CCDC69: variants seen among roughly 807,000 people sequenced by gnomAD.
CCDC69 encodes coiled-coil domain containing 69, also known as coiled-coil domain-containing protein 69.
CCDC69 carries 38 observed loss-of-function variants against 40.3 expected under a neutral mutation model. The ratio of observed to expected loss-of-function variants is 0.94; its 90% CI spans 0.73 to 1.24. The LOEUF (loss-of-function observed/expected upper bound fraction) is 1.24, where lower values mean the gene tolerates loss of function less well. CCDC69 is among the 50% of genes most tolerant of loss of function. CCDC69 has a pLI of 0.00. For missense variants in CCDC69, 389 were observed against 357.9 expected (o/e 1.09, Z -0.70); for synonymous variants, 141 against 138.9 (o/e 1.02, Z -0.11).
intron 1 of CCDC69, among the ~76,000 whole-genome samples, chr5:151,217,084 TAG>T (rs756078128): frequency 7.2e-5 from 11 of 152,152 alleles, no homozygotes; most frequent in Non-Finnish European, 1.5e-4. Context: ...TCCCAACACA[TAG>T]AAATGATAAA....
At position 151,183,466 on chromosome 5, in the gene CCDC69, G is replaced by A; in HGVS notation, c.862C>T (p.Pro288Ser). The A allele has an allele frequency of 6.2e-7, 1 of 1,605,466 alleles. No homozygotes were observed. Among genetic ancestry groups the A allele is most frequent in the Non-Finnish European group, 8.5e-7 (1 of 1,177,034 alleles). Residue 288 changes from proline (P) to serine (S), a missense_variant, in exon 9 of 9, where the codon CCC becomes TCC. Coordinates refer to ENST00000355417, the MANE Select transcript of CCDC69 (RefSeq NM_015621.3). ...SPAFPLAPVT[P>S]TEVSFLAT Reference sequence around the variant, plus strand: ...GTGGCGAGGAAAGAGACCTCAGTGGGAGTGACAGGGGCCAGAGGGAAGGCA... The same window carrying A: ...GTGGCGAGGAAAGAGACCTCAGTGGAAGTGACAGGGGCCAGAGGGAAGGCA...
rs567176638 is a variant in CCDC69, at chr5:151,211,185, C to T, written c.49-5710G>A. On this transcript the variant is annotated intron_variant, in intron 1 of 8. Transcript: ENST00000355417. Reference sequence around the variant, plus strand: ...ACGCGTGGTTAGGTCTACCTCGGGCCCCCAGGCTCAGTGCACACACCATTT... The same window carrying T: ...ACGCGTGGTTAGGTCTACCTCGGGCTCCCAGGCTCAGTGCACACACCATTT... 3.3e-5 allele frequency: 5 copies of T among 152,346 alleles called. No individual in the cohort carries two copies. The East Asian group carries it at 9.7e-4, about 29-fold the overall frequency. The allele number at this position is 152,346 out of a possible 1,614,324, so 9.4% of individuals were successfully genotyped here.
At chr5:151,207,287 GATT>G (rs1344007818) in intron 1 of CCDC69, among the ~76,000 whole-genome samples, 3 of 150,642 alleles carry the variant, frequency 2.0e-5, no homozygotes, top group East Asian at 3.9e-4. Flanking sequence ...ACTATTTGTA[GATT>G]ATTATTATTA....
Position 151,183,521 on chromosome 5 carries a change from C to G in CCDC69, c.807G>C (p.Leu269Phe). 8 of 1,609,642 alleles carry G rather than the reference C, an allele frequency of 5.0e-6. No homozygotes were observed. The highest frequency in any genetic ancestry group is 6.8e-6 in the Non-Finnish European group (8 of 1,178,614). ...RQLQQEKEELLYRVLGANASP... is the reference protein window; with the variant it reads ...RQLQQEKEELFYRVLGANASP... ...AGGCATTGGCCCCAAGGACCCGGTA[C>G]AACAGCTCCTCCTTCTCCTGCTGGA... The change falls in exon 9 of 9, where the codon TTG becomes TTC. Residue 269 changes from leucine (L) to phenylalanine (F), a missense_variant. Transcript: ENST00000355417.
chr5:151,194,694 A>C (rs150984922), intron 4 of CCDC69, among the ~76,000 whole-genome samples: 2,476 of 152,244 alleles, frequency 0.016, 28 homozygotes, highest in Middle Eastern at 0.071. Flanking sequence ...GGAGTTGAAG[A>C]CCAGCCTGAC....
intron 8 of CCDC69, among the ~76,000 whole-genome samples, 176 bp from the exon 9 acceptor site, chr5:151,183,790 G>A (rs535262608): frequency 6.6e-6 from 1 of 152,310 alleles, no homozygotes; most frequent in East Asian, 1.9e-4. Context: ...AGGAGCGGGG[G>A]CCTCACAGAC....
At chr5:151,223,326 G>A (rs1561607431) in intron 1 of CCDC69, among the ~76,000 whole-genome samples, 1 of 152,208 alleles carries the variant, frequency 6.6e-6, no homozygotes, top group Admixed American at 6.5e-5. Flanking sequence ...CTACCCCAAG[G>A]GCAGCCCACA....
intron 4 of CCDC69, among the ~76,000 whole-genome samples, chr5:151,193,242 G>A (rs1463772866): frequency 4.0e-5 from 6 of 151,402 alleles, no homozygotes; most frequent in African/African-American, 9.7e-5. Flanking sequence ...GGCCAGATGC[G>A]GTGGCTCACA....
chr5:151,189,515 C>T (rs1029200507), intron 4 of CCDC69, among the ~76,000 whole-genome samples: 2 of 151,382 alleles, frequency 1.3e-5, no homozygotes, highest in Admixed American at 6.6e-5. Flanking sequence ...GCCCAAATAG[C>T]TAACATTACT....
chr5:151,217,673 T>C (rs1753068892), intron 1 of CCDC69, among the ~76,000 whole-genome samples: 1 of 152,196 alleles, frequency 6.6e-6, no homozygotes, highest in African/African-American at 2.4e-5. Context: ...GATGTGTCAC[T>C]TCATTCCCTG....
chr5:151,193,634 T>C (rs1752654212), intron 4 of CCDC69, among the ~76,000 whole-genome samples: 1 of 152,124 alleles, frequency 6.6e-6, no homozygotes, highest in Non-Finnish European at 1.5e-5. Context: ...GATCTAAATA[T>C]AAAACCATAA....
intron 8 of CCDC69, 126 bp downstream of exon 8, chr5:151,184,218 A>G (rs1338905350): frequency 8.7e-6 from 6 of 691,942 alleles, no homozygotes; most frequent in Non-Finnish European, 1.5e-5. Flanking sequence ...AAGAGGAGCC[A>G]CATTCCCTAA....
chr5:151,209,472 T>C (rs1004551919), intron 1 of CCDC69, among the ~76,000 whole-genome samples: 4 of 152,226 alleles, frequency 2.6e-5, no homozygotes, highest in Non-Finnish European at 4.4e-5. Context: ...CGTGGCCTTG[T>C]ACTTGAGTCC....
intron 1 of CCDC69, among the ~76,000 whole-genome samples, chr5:151,217,034 T>C (rs567022599): frequency 9.2e-5 from 14 of 152,250 alleles, no homozygotes; most frequent in South Asian, 2.1e-4. Flanking sequence ...AACCATGAAC[T>C]GTATACTTTA....
At chr5:151,198,695 T>C (rs1752735572) in intron 4 of CCDC69, 5 of 310,128 alleles carry the variant, frequency 1.6e-5, no homozygotes, top group Admixed American at 9.1e-5. Flanking sequence ...TATTTAAAAA[T>C]TCTTCTATTT....
In CCDC69 at chr5:151,201,579, T is replaced by C. The variant is rs2113993820; in HGVS notation, c.231+3A>G. ...GACAGGGGGTGGGGGCACCTGGACT[T>C]ACCTGTTGTGCCCATTTCTTCTTTT... On this transcript the variant is annotated splice_donor_region_variant and intron_variant, in intron 3 of 8. Transcript: ENST00000355417. The C allele has an allele frequency of 6.2e-7, 1 of 1,603,112 alleles. No individual in the cohort carries two copies. Among genetic ancestry groups the C allele is most frequent in the Non-Finnish European group, 8.5e-7 (1 of 1,170,458 alleles).
chr5:151,189,387 TAAGA>T (rs1238047304), intron 4 of CCDC69, among the ~76,000 whole-genome samples: 2 of 151,556 alleles, frequency 1.3e-5, no homozygotes, highest in Middle Eastern at 3.4e-3. Flanking sequence ...GATGAGATGA[TAAGA>T]AAGAGCCAGT....
rs762036448 is a variant in CCDC69, at chr5:151,201,556, CAG to C, written c.231+24_231+25del. ...CAAAGTTAGCTGAGCAGGAGAAAGA[CAG>C]GGGGTGGGGGCACCTGGACTTACCT... is the stretch of plus-strand genomic sequence containing the variant. On this transcript the variant is annotated intron_variant, in intron 3 of 8. Coordinates refer to ENST00000355417, the MANE Select transcript of CCDC69 (RefSeq NM_015621.3). 4.7e-6 allele frequency: 7 copies of C among 1,504,712 alleles called. No individual in the cohort carries two copies. The African/African-American group carries it at 6.9e-5, about 15-fold the overall frequency. The allele number at this position is 1,504,712 out of a possible 1,614,324, so 93.2% of individuals were successfully genotyped here.
intron 3 of CCDC69, among the ~76,000 whole-genome samples, chr5:151,200,654 C>T (rs894160895): frequency 6.6e-6 from 1 of 152,162 alleles, no homozygotes; most frequent in African/African-American, 2.4e-5. Context: ...AAATCCTGGG[C>T]TGCAGGTTAC....
Sources: allele counts gnomAD v4.1 joint callset (sites outside exome capture counted in the v4.1 genomes callset), GRCh38; gene constraint gnomAD v4.1.1; transcripts MANE v1.5; gene names NCBI Gene and HGNC (gene_info 2026-07-23, HGNC 2026-07-21).